The following GABBR2 variants were observed in gnomAD, a reference collection of about 807,000 sequenced individuals.
GABBR2 encodes the protein G-protein coupled receptor 51.
A neutral mutation model predicts 105.6 loss-of-function variants in GABBR2; 23 were observed. The observed-to-expected ratio is 0.22, with a 90% CI of 0.16 to 0.31. The LOEUF (loss-of-function observed/expected upper bound fraction) is 0.31, where lower values mean the gene tolerates loss of function less well. Ranked by LOEUF, GABBR2 falls within the 10% of genes least tolerant of loss-of-function variation. The probability of loss-of-function intolerance (pLI) is 1.00; values close to 1 mark genes in which losing one functional copy is unlikely to be tolerated. For synonymous variants in GABBR2, 478 were observed against 499.7 expected (o/e 0.96, Z 0.58); for missense variants, 734 against 1,245.5 (o/e 0.59, Z 6.18).
chr9:98,299,182 A>C, intron 17 of GABBR2, 42 bp downstream of exon 17: 1 of 1,585,446 alleles, frequency 6.3e-7, no homozygotes, highest in Non-Finnish European at 8.7e-7. Context: ...TGGTGTTTGA[A>C]ACCAAGGTCC....
chr9:98,677,538 A>C (rs1278899553), intron 1 of GABBR2, among the ~76,000 whole-genome samples: 2 of 152,140 alleles, frequency 1.3e-5, no homozygotes, highest in Non-Finnish European at 2.9e-5. Flanking sequence ...CTGCCAAAAA[A>C]CTTTTGAGAA....
chr9:98,665,697 C>T (rs2131856827), intron 1 of GABBR2, among the ~76,000 whole-genome samples: 1 of 152,318 alleles, frequency 6.6e-6, no homozygotes, highest in South Asian at 2.1e-4. Flanking sequence ...AAAGGCAGCA[C>T]TTAATGTGCT....
rs776875244 is a variant in GABBR2, at chr9:98,578,088, T to A, written c.322-16A>T. ...CGTTGTCGCACTGGGAAGCAACACA[T>A]AGAAAGAAAGGTCCAAATTAGAAAC... On this transcript the variant is annotated splice_polypyrimidine_tract_variant and intron_variant, in intron 1 of 18. Transcript: ENST00000259455. 20 of 1,612,888 alleles carry A rather than the reference T, an allele frequency of 1.2e-5. No individual in the cohort carries two copies. In the East Asian group the frequency reaches 4.5e-4, roughly 36 times the overall value.
chr9:98,685,806 C>T (rs529716858), intron 1 of GABBR2, among the ~76,000 whole-genome samples: 4 of 152,294 alleles, frequency 2.6e-5, no homozygotes, highest in Admixed American at 1.3e-4. Context: ...GATCCTCCTA[C>T]GTCAGCCTCC....
rs1330389224 is a variant in GABBR2, at chr9:98,388,972, G to C, written c.1411C>G (p.Leu471Val). 1 of 1,613,782 alleles carries C rather than the reference G, an allele frequency of 6.2e-7. No individual in the cohort carries two copies. The highest frequency in any genetic ancestry group is 2.2e-5 in the East Asian group (1 of 44,866). ...SEPPKDKTII[L>V]EQLRKISLPL... ...AGGGAGATCTTCCGCAGCTGCTCCA[G>C]GATGATGGTCTTGTCTTTTGGTGGT... The change falls in exon 10 of 19, where the codon CTG becomes GTG. Residue 471 changes from leucine to valine, a missense_variant. Transcript: ENST00000259455. This position sits in a 1 kb window ranked among gnomAD's most constrained non-coding sequence, Gnocchi z 4.4.
rs7025048 is a variant in GABBR2 at position 98,394,136 on chromosome 9, T to G, written c.1378+39A>C. On this transcript the variant is annotated intron_variant, in intron 9 of 18. Coordinates refer to ENST00000259455, the MANE Select transcript of GABBR2 (RefSeq NM_005458.8). ...GACAATGTCCAGGCTTGGGAGCAACTGGGCAGGCCCCCTCCTCTGAGAAGC... is the reference window on the plus strand; with the variant it reads ...GACAATGTCCAGGCTTGGGAGCAACGGGGCAGGCCCCCTCCTCTGAGAAGC... 14,144 of 1,436,010 alleles carry G rather than the reference T, an allele frequency of 9.8e-3. 1,147 individuals carry two copies. The African/African-American group carries it at 0.17, about 18-fold the overall frequency. The allele number at this position is 1,436,010 out of a possible 1,614,324, so 89.0% of individuals were successfully genotyped here. A position where few individuals can be genotyped will look rare whatever the true frequency, so the allele number is the denominator to read the frequency against.
intron 16 of GABBR2, among the ~76,000 whole-genome samples, chr9:98,301,298 T>C (rs572669957): frequency 2.0e-5 from 3 of 152,288 alleles, no homozygotes; most frequent in East Asian, 1.9e-4. Flanking sequence ...TCTCTAGATA[T>C]GTAGCATTGG....
At chr9:98,437,860 T>C (rs1436625532) in intron 7 of GABBR2, among the ~76,000 whole-genome samples, 3 of 151,320 alleles carry the variant, frequency 2.0e-5, no homozygotes, top group African/African-American at 7.3e-5. Flanking sequence ...CATCTATCCA[T>C]CCATCCGTCC....
At chr9:98,634,045 T>G (rs546535348) in intron 1 of GABBR2, among the ~76,000 whole-genome samples, 1 of 152,242 alleles carries the variant, frequency 6.6e-6, no homozygotes, top group Non-Finnish European at 1.5e-5. Flanking sequence ...CTGAGTGGCC[T>G]AGAGGCAGAC....
intron 1 of GABBR2, among the ~76,000 whole-genome samples, chr9:98,629,638 T>C (rs1359601196): frequency 6.6e-6 from 1 of 152,212 alleles, no homozygotes; most frequent in African/African-American, 2.4e-5. Context: ...CCCATGTACA[T>C]ATGAAAGCCA....
At chr9:98,299,483 GT>G in intron 16 of GABBR2, 130 bp from the exon 17 acceptor site, 1 of 936,966 alleles carries the variant, frequency 1.1e-6, no homozygotes, top group Non-Finnish European at 1.6e-6. Flanking sequence ...AATCAGAGGG[GT>G]TACTGCATTT....
chr9:98,642,702 T>C (rs958644438), intron 1 of GABBR2, among the ~76,000 whole-genome samples: 3 of 152,210 alleles, frequency 2.0e-5, no homozygotes, highest in African/African-American at 7.2e-5. Flanking sequence ...GTGTGCATCA[T>C]ACATAGGAAG....
At chr9:98,564,180 A>G (rs796507809) in intron 2 of GABBR2, among the ~76,000 whole-genome samples, 10 of 152,334 alleles carry the variant, frequency 6.6e-5, no homozygotes, top group Admixed American at 2.6e-4. Context: ...TCCTCCATGG[A>G]CAGGCAGGAA....
chr9:98,381,533 T>C (rs1438571323), intron 11 of GABBR2, among the ~76,000 whole-genome samples: 1 of 152,174 alleles, frequency 6.6e-6, no homozygotes, highest in African/African-American at 2.4e-5. Context: ...AGCTTTCACT[T>C]CCTCTTCCTG....
intron 17 of GABBR2, among the ~76,000 whole-genome samples, chr9:98,298,139 GTGTT>G (rs900761337): frequency 3.3e-5 from 5 of 151,460 alleles, no homozygotes; most frequent in African/African-American, 9.7e-5. Flanking sequence ...TAGCAATTTG[GTGTT>G]TGTTTTTCTA....
At chr9:98,456,923 A>C (rs1375647122) in intron 6 of GABBR2, among the ~76,000 whole-genome samples, 4 of 152,258 alleles carry the variant, frequency 2.6e-5, no homozygotes, top group African/African-American at 9.6e-5. Context: ...TGAATTTCCT[A>C]TACCATCTTG....
intron 4 of GABBR2, among the ~76,000 whole-genome samples, chr9:98,485,728 G>A (rs930728136): frequency 4.6e-5 from 7 of 152,212 alleles, no homozygotes; most frequent in Non-Finnish European, 8.8e-5. Context: ...AAAGATTCAT[G>A]AGCAAAGCAA....
chr9:98,293,874 G>T lies in GABBR2; in HGVS notation c.2571C>A (p.His857Gln). ...ACTGTAGCTGGGGATTTTGATCGAG[G>T]TGATTTTTTAAAATGGCCTTTCCTC... Reference protein sequence around the residue: ...TDGGKAILKNHLDQNPQLQWN... With the variant: ...TDGGKAILKNQLDQNPQLQWN... The change falls in exon 18 of 19, where the codon CAC becomes CAA. Residue 857 changes from histidine to glutamine, a missense_variant. His to Gln is a conservative substitution (Grantham distance 24). This residue lies in a region of GABBR2 where 134 missense variants were observed against 171.2 expected (regional missense o/e 0.78). Transcript: ENST00000259455. 3 of 1,611,730 alleles carry T rather than the reference G, an allele frequency of 1.9e-6. No homozygotes were observed. Among genetic ancestry groups the T allele is most frequent in the Non-Finnish European group, 2.5e-6 (3 of 1,177,864 alleles).
chr9:98,396,001 G>A (rs1832283059), intron 8 of GABBR2, among the ~76,000 whole-genome samples: 1 of 152,186 alleles, frequency 6.6e-6, no homozygotes, highest in Admixed American at 6.5e-5. Context: ...CAAGGAGACG[G>A]AGGCTCAGAC....
Sources: gnomAD v4.1 joint callset for allele counts (sites outside exome capture counted in the v4.1 genomes callset) on GRCh38, gnomAD v4.1.1 for gene constraint, gnomAD v4.1.1 regional missense constraint, Gnocchi (gnomAD v3.1) non-coding constraint, MANE v1.5 for transcripts, NCBI Gene and HGNC (gene_info 2026-07-23, HGNC 2026-07-21) for gene names.